The following ADRA1D variants were observed in gnomAD, a reference collection of about 807,000 sequenced individuals.
ADRA1D encodes the protein adrenoceptor alpha 1D, also known as alpha-1D adrenergic receptor.
In ADRA1D, 22 loss-of-function variants were observed where a neutral mutation model predicts 18.6. That is an observed-to-expected ratio of 1.19 (90% CI 0.85 to 1.69). The LOEUF is 1.69. Ranked by LOEUF, ADRA1D falls within the 40% of genes most tolerant of loss-of-function variation. ADRA1D has a pLI of 0.00. For synonymous variants in ADRA1D, 376 were observed against 388.2 expected (o/e 0.97, Z 0.37); for missense variants, 840 against 840.7 (o/e 1.00, Z 0.01).
chr20:4,221,248 G>T lies in ADRA1D; in HGVS notation c.*275C>A, dbSNP rs764428986. ...AGGATGGGGCAGTGTTTCTCAAATA[G>T]GGATTGGGAGCAAAAGGCCCCACGG... On this transcript the variant is annotated 3_prime_UTR_variant, in exon 2 of 2. Coordinates refer to ENST00000379453, the MANE Select transcript of ADRA1D (RefSeq NM_000678.4). 1 of 365,754 alleles carries T rather than the reference G, an allele frequency of 2.7e-6. No homozygotes were observed. The highest frequency in any genetic ancestry group is 4.9e-6 in the Non-Finnish European group (1 of 204,346). 22.7% of individuals were successfully genotyped at this position (365,754 alleles called of 1,614,324 possible).
intron 1 of ADRA1D, among the ~76,000 whole-genome samples, chr20:4,242,128 C>T (rs1208426538): frequency 2.0e-5 from 3 of 151,804 alleles, no homozygotes; most frequent in East Asian, 3.9e-4. Flanking sequence ...GATAAGTTTC[C>T]CCTGTTTTTG....
intron 1 of ADRA1D, among the ~76,000 whole-genome samples, chr20:4,233,637 C>T (rs1447228268): frequency 6.6e-6 from 1 of 152,170 alleles, no homozygotes; most frequent in Non-Finnish European, 1.5e-5. Flanking sequence ...AGTGCAGTGT[C>T]ACGTCTTCAA....
rs189102713 is a variant in ADRA1D at position 4,220,796 on chromosome 20, T to C, written c.*727A>G. On this transcript the variant is annotated 3_prime_UTR_variant, in exon 2 of 2. Coordinates refer to ENST00000379453, the MANE Select transcript of ADRA1D (RefSeq NM_000678.4). ...AATAAATATGTCTCAAAATGACAAA[T>C]AAAGCTCTCCAATTGGTGGCTTGGA... The C allele has an allele frequency of 2.1e-4, 32 of 152,576 alleles. No individual in the cohort carries two copies. Among genetic ancestry groups the C allele is most frequent in the African/African-American group, 7.5e-4 (31 of 41,456 alleles). 9.5% of individuals were successfully genotyped at this position (152,576 alleles called of 1,614,324 possible).
chr20:4,242,303 TCTC>T (rs1438832356), intron 1 of ADRA1D, among the ~76,000 whole-genome samples: 1 of 152,186 alleles, frequency 6.6e-6, no homozygotes, highest in Non-Finnish European at 1.5e-5. Flanking sequence ...ATTTATCCAT[TCTC>T]CTGCAGATGG....
At position 4,221,642 on chromosome 20, in the gene ADRA1D, C is replaced by T; in HGVS notation, c.1600G>A (p.Ala534Thr). Residue 534 changes from alanine (A) to threonine (T), a missense_variant, in exon 2 of 2, where the codon GCC becomes ACC. Physicochemically the swap from Ala to Thr is moderately conservative, Grantham distance 58 (BLOSUM62 0). Coordinates refer to ENST00000379453, the MANE Select transcript of ADRA1D (RefSeq NM_000678.4). ...GGAQRAEAAC[A>T]QRSEVEAVSL... ...ACAGCCTCCACCTCTGAGCGCTGGG[C>T]GCACGCTGCCTCTGCGCGCTGCGCG... 7 of 1,612,910 alleles carry T rather than the reference C, an allele frequency of 4.3e-6. No individual in the cohort carries two copies. The highest frequency in any genetic ancestry group is 5.9e-6 in the Non-Finnish European group (7 of 1,179,538).
At chr20:4,240,775 CAG>C (rs962600921) in intron 1 of ADRA1D, among the ~76,000 whole-genome samples, 1 of 152,080 alleles carries the variant, frequency 6.6e-6, no homozygotes, top group African/African-American at 2.4e-5. Context: ...GACTGGGAGA[CAG>C]AGAGACTCCA....
At chr20:4,245,040 G>A (rs976927374) in intron 1 of ADRA1D, among the ~76,000 whole-genome samples, 1 of 152,236 alleles carries the variant, frequency 6.6e-6, no homozygotes, top group African/African-American at 2.4e-5. Flanking sequence ...TTGAGAAAGA[G>A]CTGTGCGTGC....
intron 1 of ADRA1D, among the ~76,000 whole-genome samples, chr20:4,223,198 G>C (rs983246743): frequency 6.6e-6 from 1 of 151,734 alleles, no homozygotes; most frequent in Non-Finnish European, 1.5e-5. Flanking sequence ...TTCAGCAAAT[G>C]GTCCTAGAAC....
Position 4,249,004 on chromosome 20 carries a change from G to A in ADRA1D, c.-47C>T. 8.0e-7 allele frequency: 1 copy of A among 1,245,964 alleles called. No homozygotes were observed. Among genetic ancestry groups the A allele is most frequent in the South Asian group, 1.6e-5 (1 of 61,048 alleles). 77.2% of individuals were successfully genotyped at this position (1,245,964 alleles called of 1,614,324 possible). On this transcript the variant is annotated 5_prime_UTR_variant, in exon 1 of 2. Coordinates refer to ENST00000379453, the MANE Select transcript of ADRA1D (RefSeq NM_000678.4). ...GCCGGGCCGGGGCACAGAACGAGCG[G>A]CCGGCAGGGAGGGGAGCACAGGGCA...
chr20:4,243,243 C>A (rs1013934862), intron 1 of ADRA1D, among the ~76,000 whole-genome samples: 1 of 152,184 alleles, frequency 6.6e-6, no homozygotes, highest in Admixed American at 6.5e-5. Context: ...GACGCAGCCC[C>A]GCCGCAGCCA....
intron 1 of ADRA1D, among the ~76,000 whole-genome samples, chr20:4,234,047 A>C (rs1342305838): frequency 6.6e-6 from 1 of 152,174 alleles, no homozygotes; most frequent in East Asian, 1.9e-4. Flanking sequence ...AGAAGAGGTG[A>C]GGCCTCTCCT....
chr20:4,232,490 A>G (rs1980994088), intron 1 of ADRA1D, among the ~76,000 whole-genome samples: 1 of 152,192 alleles, frequency 6.6e-6, no homozygotes, highest in African/African-American at 2.4e-5. Flanking sequence ...CATCAGGTTC[A>G]GCTCCACGTC....
intron 1 of ADRA1D, among the ~76,000 whole-genome samples, chr20:4,246,585 G>T (rs1055300342): frequency 3.3e-5 from 5 of 150,820 alleles, no homozygotes; most frequent in East Asian, 2.2e-4. Flanking sequence ...CAGAGAGGGA[G>T]ATGGCTCTCA....
chr20:4,246,558 G>C (rs572357406), intron 1 of ADRA1D, among the ~76,000 whole-genome samples: 1 of 151,838 alleles, frequency 6.6e-6, no homozygotes, highest in East Asian at 2.0e-4. Context: ...AGACCGTGAC[G>C]GCAGAGAGGG....
At position 4,227,700 on chromosome 20, in the gene ADRA1D, CTCCCTCCT is replaced by C. The variant is rs1158416733; in HGVS notation, c.1112-5578_1112-5571del. On this transcript the variant is annotated intron_variant, in intron 1 of 1. Transcript: ENST00000379453. ...CTTCCTTCCCTCTCTCCCTCCCTCC[CTCCCTCCT>C]TCCTTCCTTCCTTCCTTCCTTCCTT... 2.5e-4 allele frequency among the ~76,000 whole-genome samples: 8 copies of C among 31,520 alleles called. No individual in the cohort carries two copies. The East Asian group carries it at 5.2e-3, about 21-fold the overall frequency. 20.7% of individuals were successfully genotyped at this position (31,520 alleles called of 152,430 possible). A position where few individuals can be genotyped will look rare whatever the true frequency, so the allele number is the denominator to read the frequency against.
chr20:4,247,418 C>G (rs887157908), intron 1 of ADRA1D, among the ~76,000 whole-genome samples: 2 of 152,158 alleles, frequency 1.3e-5, no homozygotes, highest in African/African-American at 4.8e-5. Flanking sequence ...GCTGATGTAC[C>G]TGCTGACTGG....
At position 4,247,973 on chromosome 20, in the gene ADRA1D, A is replaced by G. The variant is rs1330943150; in HGVS notation, c.985T>C (p.Phe329Leu). The G allele has an allele frequency of 1.3e-6, 2 of 1,584,530 alleles. No homozygotes were observed. Among genetic ancestry groups the G allele is most frequent in the South Asian group, 1.1e-5 (1 of 87,024 alleles). Residue 329 changes from phenylalanine (F) to leucine (L), a missense_variant, in exon 1 of 2, where the codon TTC becomes CTC. Transcript: ENST00000379453. The part of the protein sequence containing the change: ...HGMRSAKGHT[F>L]RSSLSVRLLK... ...AGGCGCACGGAGAGCGAGCTGCGGA[A>G]GGTGTGGCCCTTGGCGCTGCGCATG...
chr20:4,225,370 T>A (rs1363455285), intron 1 of ADRA1D, among the ~76,000 whole-genome samples: 2 of 151,332 alleles, frequency 1.3e-5, no homozygotes, highest in Admixed American at 6.6e-5. Context: ...ATATTTTAGG[T>A]CCCAGCACTT....
chr20:4,233,376 A>T (rs967632211), intron 1 of ADRA1D, among the ~76,000 whole-genome samples: 1 of 151,940 alleles, frequency 6.6e-6, no homozygotes, highest in Non-Finnish European at 1.5e-5. Context: ...TGGGAGGATC[A>T]CTTGAACGTG....
Sources: gnomAD v4.1 joint callset for allele counts (sites outside exome capture counted in the v4.1 genomes callset) on GRCh38, gnomAD v4.1.1 for gene constraint, MANE v1.5 for transcripts, NCBI Gene and HGNC (gene_info 2026-07-23, HGNC 2026-07-21) for gene names.